FRYL: variants seen among roughly 807,000 people sequenced by gnomAD.
FRYL encodes protein furry homolog-like.
Under a neutral mutation model 351.2 loss-of-function variants are expected in FRYL, and 150 were observed. The ratio of observed to expected loss-of-function variants is 0.43; its 90% CI spans 0.37 to 0.49. The LOEUF is 0.49. FRYL is among the 20% of genes least tolerant of loss of function. The pLI is 0.00. For synonymous variants in FRYL, 1,153 were observed against 1,257.1 expected (o/e 0.92, Z 1.75); for missense variants, 3,036 against 3,619.3 (o/e 0.84, Z 4.13).
intron 63 of FRYL, 42 bp downstream of exon 63, chr4:48,499,984 CCTGT>C (rs747572215): frequency 2.2e-5 from 28 of 1,290,064 alleles, no homozygotes; most frequent in Middle Eastern, 2.6e-4. Context: ...TACTAAACTT[CCTGT>C]CTAATTTAAA....
At chr4:48,779,855 C>G (rs925080498) in intron 1 of FRYL, among the ~76,000 whole-genome samples, 8 of 151,420 alleles carry the variant, frequency 5.3e-5, no homozygotes, top group Admixed American at 3.3e-4. Context: ...TGGGGTTGCG[C>G]CGCGGTTTGG....
chr4:48,645,233 GCGC>G (rs1423657543), intron 3 of FRYL, among the ~76,000 whole-genome samples: 6 of 149,628 alleles, frequency 4.0e-5, no homozygotes, highest in African/African-American at 1.5e-4. Flanking sequence ...ACTTAACACA[GCGC>G]TGATAAAAAG....
chr4:48,634,305 T>C lies in FRYL; in HGVS notation c.106A>G (p.Met36Val). ...VQAEKKIEVV[M>V]AEPLEKLLSR... ...GCTGTACTCACCAAGGGTTCGGCCA[T>C]TACAACTTCAATTTTCTTTTCAGCT... The change falls in exon 4 of 64, where the codon ATG becomes GTG. Residue 36 changes from methionine to valine, a missense_variant. Transcript: ENST00000358350. 1.2e-6 allele frequency: 2 copies of C among 1,613,172 alleles called. No individual in the cohort carries two copies. The highest frequency in any genetic ancestry group is 1.7e-6 in the Non-Finnish European group (2 of 1,179,204).
intron 6 of FRYL, among the ~76,000 whole-genome samples, chr4:48,620,068 AT>A (rs1174615887): frequency 1.3e-5 from 2 of 152,216 alleles, no homozygotes; most frequent in African/African-American, 4.8e-5. Flanking sequence ...CTTCTCACAA[AT>A]TTAAGTTGAA....
rs1048205158 is a variant in FRYL, at chr4:48,540,274, A to C, written c.6295+79T>G. On this transcript the variant is annotated intron_variant, in intron 46 of 63. Coordinates refer to ENST00000358350, the MANE Select transcript of FRYL (RefSeq NM_015030.2). ...TGACTATTTGCAAAAAGCAGAAATT[A>C]GTAGATTTCAAAACAAATGATTAGT... 5.5e-6 allele frequency: 8 copies of C among 1,452,414 alleles called. No homozygotes were observed. The African/African-American group carries it at 8.6e-5, about 16-fold the overall frequency. 90.0% of individuals were successfully genotyped at this position (1,452,414 alleles called of 1,614,324 possible).
chr4:48,674,052 T>A (rs1039068584), intron 3 of FRYL, among the ~76,000 whole-genome samples: 1 of 152,252 alleles, frequency 6.6e-6, no homozygotes, highest in African/African-American at 2.4e-5. Context: ...CTGTTCTTGA[T>A]GAATTTTATA....
chr4:48,606,165 C>T lies in FRYL; in HGVS notation c.741+273G>A, dbSNP rs145949735. ...GCAGGCGCCTGTAATCCCAACTACTCGGGTGCCTGAGGCAGGAGAATCGCT... is the reference window on the plus strand; with the variant it reads ...GCAGGCGCCTGTAATCCCAACTACTTGGGTGCCTGAGGCAGGAGAATCGCT... On this transcript the variant is annotated intron_variant, in intron 10 of 63. Coordinates refer to ENST00000358350, the MANE Select transcript of FRYL (RefSeq NM_015030.2). Among the ~76,000 whole-genome samples the T allele has an allele frequency of 1.1e-4, 17 of 149,090 alleles. No homozygotes were observed. In the East Asian group the frequency reaches 3.2e-3, roughly 28 times the overall value.
intron 2 of FRYL, among the ~76,000 whole-genome samples, chr4:48,705,650 T>C (rs368418307): frequency 1.6e-4 from 25 of 152,022 alleles, no homozygotes; most frequent in African/African-American, 5.5e-4. Flanking sequence ...TTATACATGA[T>C]TATAAAACAA....
At chr4:48,667,435 CTTT>C (rs536377267) in intron 3 of FRYL, among the ~76,000 whole-genome samples, 1 of 143,422 alleles carries the variant, frequency 7.0e-6, no homozygotes, top group African/African-American at 2.5e-5. Flanking sequence ...CACCCCCTCG[CTTT>C]TTTTTTTTTG....
chr4:48,761,003 C>CTG (rs202244146), intron 1 of FRYL, among the ~76,000 whole-genome samples: 17,682 of 120,350 alleles, frequency 0.15, 1,125 homozygotes, highest in Non-Finnish European at 0.17. Flanking sequence ...TATTATTACT[C>CTG]TGTCTGTGTG....
chr4:48,675,332 G>T (rs1364165303), intron 3 of FRYL, among the ~76,000 whole-genome samples: 1 of 152,234 alleles, frequency 6.6e-6, no homozygotes, highest in Non-Finnish European at 1.5e-5. Flanking sequence ...CTTGCAGGGA[G>T]GTGTGGAGGG....
chr4:48,731,856 T>C (rs1019073543), intron 1 of FRYL, among the ~76,000 whole-genome samples: 3 of 152,182 alleles, frequency 2.0e-5, no homozygotes, highest in African/African-American at 7.2e-5. Flanking sequence ...GGCAATACCA[T>C]TCAGGACATA....
chr4:48,599,646 A>C lies in FRYL; in HGVS notation c.1035+2374T>G, dbSNP rs140899697. On this transcript the variant is annotated intron_variant, in intron 13 of 63. Transcript: ENST00000358350. ...CAGAAGTAAAATGGTGGACTAGAAG[A>C]GCAAGAGCTATGGAACTATGTGAAT... Among the ~76,000 whole-genome samples, 3 of 152,322 alleles carry C rather than the reference A, an allele frequency of 2.0e-5. No homozygotes were observed. In the East Asian group the frequency reaches 5.8e-4, roughly 29 times the overall value.
At chr4:48,696,312 T>C (rs1294365747) in intron 2 of FRYL, among the ~76,000 whole-genome samples, 1 of 151,936 alleles carries the variant, frequency 6.6e-6, no homozygotes, top group African/African-American at 2.4e-5. Context: ...ATAAAGAAAA[T>C]GTAGTACATA....
intron 3 of FRYL, among the ~76,000 whole-genome samples, chr4:48,647,031 C>T (rs2149414816): frequency 6.6e-6 from 1 of 152,220 alleles, no homozygotes; most frequent in South Asian, 2.1e-4. Flanking sequence ...TCTTCAAGAT[C>T]AGAGCAGGGT....
intron 60 of FRYL, among the ~76,000 whole-genome samples, chr4:48,503,490 T>A (rs549714416): frequency 3.3e-5 from 5 of 152,196 alleles, no homozygotes; most frequent in Non-Finnish European, 7.4e-5. Context: ...CCGACTAGGT[T>A]TGAATCAACA....
chr4:48,718,818 A>G (rs1222465290), intron 1 of FRYL, among the ~76,000 whole-genome samples: 1 of 151,172 alleles, frequency 6.6e-6, no homozygotes, highest in Non-Finnish European at 1.5e-5. Context: ...CATCTGACCT[A>G]CCTATTCAGG....
At chr4:48,514,949 G>A (rs1006855694) in intron 56 of FRYL, 79 bp downstream of exon 56, 80 of 1,251,310 alleles carry the variant, frequency 6.4e-5, no homozygotes, top group Non-Finnish European at 8.6e-5. Flanking sequence ...TAAGTAAACT[G>A]AAACAGAGGG....
At chr4:48,568,993 A>C (rs1158364909) in intron 27 of FRYL, among the ~76,000 whole-genome samples, 1 of 152,234 alleles carries the variant, frequency 6.6e-6, no homozygotes, top group East Asian at 1.9e-4. Context: ...AAAATCCAGA[A>C]TAGCAATAAC....
Sources: allele counts gnomAD v4.1 joint callset (sites outside exome capture counted in the v4.1 genomes callset), GRCh38; gene constraint gnomAD v4.1.1; transcripts MANE v1.5; gene names NCBI Gene and HGNC (gene_info 2026-07-23, HGNC 2026-07-21).